VIT: variants seen among roughly 807,000 people sequenced by gnomAD.
The protein encoded by VIT is vitrin.
Under a neutral mutation model 78.0 loss-of-function variants are expected in VIT, and 99 were observed. The observed-to-expected ratio is 1.27, with a 90% CI of 1.08 to 1.50. The LOEUF (loss-of-function observed/expected upper bound fraction) is 1.50, where lower values mean the gene tolerates loss of function less well. VIT is among the 40% of genes most tolerant of loss of function. The pLI is 0.00. For missense variants in VIT, 1,126 were observed against 875.3 expected (o/e 1.29, Z -3.61); for synonymous variants, 374 against 334.3 (o/e 1.12, Z -1.29).
At chr2:36,776,611 G>A (rs1670061054) in intron 9 of VIT, among the ~76,000 whole-genome samples, 1 of 151,576 alleles carries the variant, frequency 6.6e-6, no homozygotes, top group South Asian at 2.1e-4. Flanking sequence ...GACGAGTTTG[G>A]CCCACATAGT....
chr2:36,742,053 C>A (rs552941170), intron 3 of VIT, among the ~76,000 whole-genome samples: 10 of 152,182 alleles, frequency 6.6e-5, no homozygotes, highest in Non-Finnish European at 1.3e-4. Context: ...CCCAAGCCTG[C>A]TGCCTCTTTG....
At chr2:36,780,064 T>G (rs539896833) in intron 9 of VIT, among the ~76,000 whole-genome samples, 1 of 152,368 alleles carries the variant, frequency 6.6e-6, no homozygotes, top group African/African-American at 2.4e-5. Context: ...CTCACAAATT[T>G]ACTTCTCATT....
intron 12 of VIT, among the ~76,000 whole-genome samples, chr2:36,795,619 T>A (rs1277013742): frequency 6.6e-6 from 1 of 152,080 alleles, no homozygotes; most frequent in Non-Finnish European, 1.5e-5. Flanking sequence ...TTCATCATAT[T>A]GATCAAGCTG....
At chr2:36,709,811 G>A (rs1665689559) in intron 1 of VIT, among the ~76,000 whole-genome samples, 1 of 152,200 alleles carries the variant, frequency 6.6e-6, no homozygotes, top group African/African-American at 2.4e-5. Flanking sequence ...ATTGCAGTGA[G>A]GTGGTGTTGA....
At chr2:36,770,277 C>G (rs189803063) in intron 7 of VIT, among the ~76,000 whole-genome samples, 159 of 152,290 alleles carry the variant, frequency 1.0e-3, no homozygotes, top group African/African-American at 3.6e-3. Context: ...GGTATGTAGC[C>G]AAAACAGGAG....
chr2:36,781,867 G>A, intron 10 of VIT, 96 bp downstream of exon 10: 2 of 1,455,094 alleles, frequency 1.4e-6, no homozygotes, highest in East Asian at 2.3e-5. Context: ...TAGCGGCCGA[G>A]CTCCACTAGC....
intron 1 of VIT, among the ~76,000 whole-genome samples, chr2:36,710,432 G>A (rs1047715993): frequency 1.3e-5 from 2 of 152,084 alleles, no homozygotes; most frequent in African/African-American, 4.8e-5. Context: ...AGTCTGATAA[G>A]TTTTGGCATA....
At chr2:36,784,133 G>T (rs1189735365) in intron 11 of VIT, among the ~76,000 whole-genome samples, 1 of 152,176 alleles carries the variant, frequency 6.6e-6, no homozygotes, top group Non-Finnish European at 1.5e-5. Flanking sequence ...ACCACCTGAG[G>T]ATATCAGAAA....
At chr2:36,751,044 G>A (rs1212246771) in intron 4 of VIT, among the ~76,000 whole-genome samples, 2 of 152,146 alleles carry the variant, frequency 1.3e-5, no homozygotes, top group Admixed American at 6.5e-5. Flanking sequence ...AAGATCACCC[G>A]AGGTCAGGAG....
chr2:36,800,406 C>T (rs1283265704), intron 12 of VIT, among the ~76,000 whole-genome samples: 1 of 152,132 alleles, frequency 6.6e-6, no homozygotes, highest in Non-Finnish European at 1.5e-5. Context: ...ACATAATGTG[C>T]AGGGCAGCTT....
intron 1 of VIT, among the ~76,000 whole-genome samples, chr2:36,709,669 T>C (rs1665679874): frequency 2.0e-5 from 3 of 152,062 alleles, no homozygotes; most frequent in African/African-American, 4.8e-5. Flanking sequence ...GATGGGTTTG[T>C]GGTGAGGGTT....
rs560909681 is a variant in VIT, at chr2:36,747,860, C to G, written c.275+4604C>G. Among the ~76,000 whole-genome samples the G allele has an allele frequency of 3.9e-4, 60 of 152,252 alleles. 1 individual carries two copies. Among genetic ancestry groups the G allele is most frequent in the South Asian group, 3.7e-3 (18 of 4,820 alleles). On this transcript the variant is annotated intron_variant, in intron 4 of 15. Transcript: ENST00000379242. ...CTTTATAGGGTCTCTGGGCTATGAACTTAAGTGTGTTTTTGTGGTAGCAGG... is the reference window on the plus strand; with the variant it reads ...CTTTATAGGGTCTCTGGGCTATGAAGTTAAGTGTGTTTTTGTGGTAGCAGG...
intron 3 of VIT, among the ~76,000 whole-genome samples, chr2:36,739,707 G>C (rs1187442083): frequency 6.6e-6 from 1 of 152,190 alleles, no homozygotes; most frequent in African/African-American, 2.4e-5. Context: ...GCGTCTATGA[G>C]AAGGCAAGAT....
intron 12 of VIT, 144 bp downstream of exon 12, chr2:36,787,420 G>A: frequency 8.5e-7 from 1 of 1,173,574 alleles, no homozygotes; most frequent in South Asian, 1.8e-5. Context: ...AAATGTAAAT[G>A]AAAAAACTGA....
chr2:36,791,133 G>GT (rs1398348298), intron 12 of VIT, among the ~76,000 whole-genome samples: 3 of 152,168 alleles, frequency 2.0e-5, no homozygotes, highest in Admixed American at 6.5e-5. Flanking sequence ...GGAACTGTTG[G>GT]TTTTTTCTTC....
intron 2 of VIT, among the ~76,000 whole-genome samples, chr2:36,726,775 C>A (rs1031660539): frequency 9.5e-5 from 13 of 136,440 alleles, no homozygotes; most frequent in African/African-American, 3.6e-4. Context: ...GCCGAAATCA[C>A]ACTACTGCAC....
At chr2:36,762,435 A>G (rs1669180559) in intron 6 of VIT, among the ~76,000 whole-genome samples, 1 of 152,144 alleles carries the variant, frequency 6.6e-6, no homozygotes, top group South Asian at 2.1e-4. Flanking sequence ...TTGAGTGAGC[A>G]TCTCCTACGT....
In VIT at chr2:36,814,632, T is replaced by C. The variant is rs2148696325; in HGVS notation, c.*271T>C. On this transcript the variant is annotated 3_prime_UTR_variant, in exon 16 of 16. Coordinates refer to ENST00000379242, the MANE Select transcript of VIT (RefSeq NM_053276.4). ...TTTTGACAATTGTTTTCAAAATAAA[T>C]GTTCGGAATACAGTGCAGCCCTTAC... The C allele has an allele frequency of 2.4e-6, 1 of 423,738 alleles. No homozygotes were observed. The highest frequency in any genetic ancestry group is 4.1e-5 in the East Asian group (1 of 24,462). The allele number at this position is 423,738 out of a possible 1,614,324, so 26.2% of individuals were successfully genotyped here.
chr2:36,711,458 C>T (rs1256221546), intron 1 of VIT, among the ~76,000 whole-genome samples: 1 of 152,140 alleles, frequency 6.6e-6, no homozygotes, highest in Non-Finnish European at 1.5e-5. Context: ...GGTGCAGGAT[C>T]AGGAGCCATG....
Sources: allele counts gnomAD v4.1 joint callset (sites outside exome capture counted in the v4.1 genomes callset), GRCh38; gene constraint gnomAD v4.1.1; transcripts MANE v1.5; gene names NCBI Gene and HGNC (gene_info 2026-07-23, HGNC 2026-07-21).